HMGA2: variants seen among roughly 807,000 people sequenced by gnomAD.
The protein encoded by HMGA2 is high mobility group AT-hook 2, also known as high mobility group protein HMGI-C.
A neutral mutation model predicts 19.1 loss-of-function variants in HMGA2; 8 were observed. The ratio of observed to expected loss-of-function variants is 0.42; its 90% confidence interval spans 0.25 to 0.76. The LOEUF is 0.76. HMGA2 is among the 30% of genes least tolerant of loss of function. HMGA2 has a pLI of 0.28. For synonymous variants in HMGA2, 60 were observed against 48.8 expected, an observed-to-expected ratio of 1.23 and a Z score of -0.96; for missense variants, 109 against 136.3, an observed-to-expected ratio of 0.80 and a Z score of 1.00.
intron 3 of HMGA2, among the ~76,000 whole-genome samples, chr12:65,940,118 A>C (rs1876042459): frequency 6.6e-6 from 1 of 152,236 alleles, no homozygotes; most frequent in Admixed American, 6.5e-5. Flanking sequence ...AGAGAGAAAA[A>C]AAAACAAAAA....
intron 3 of HMGA2, among the ~76,000 whole-genome samples, chr12:65,944,114 T>C (rs1422816337): frequency 1.3e-5 from 2 of 152,210 alleles, no homozygotes; most frequent in African/African-American, 4.8e-5. Context: ...TTCAGATATA[T>C]CATATTCCTA....
rs1328982065 is a variant in HMGA2 at position 65,964,949 on chromosome 12, C to T, written c.*1657C>T. ...TTCTTTAAGGAGATGGACTAATTGA[C>T]TTGCAAAGACCTACCTCCAGACTTC... is the stretch of plus-strand genomic sequence containing the variant. On this transcript the variant is annotated 3_prime_UTR_variant, in exon 5 of 5. Transcript: ENST00000403681. 13 of 188,062 alleles carry T rather than the reference C, an allele frequency of 6.9e-5. No individual in the cohort carries two copies. The Admixed American group carries it at 7.4e-4, about 11-fold the overall frequency. 11.6% of individuals were successfully genotyped at this position (188,062 alleles called of 1,614,324 possible). A position where few individuals can be genotyped will look rare whatever the true frequency, so the allele number is the denominator to read the frequency against.
chr12:65,848,846 G>C (rs572980829), intron 3 of HMGA2, among the ~76,000 whole-genome samples: 14 of 152,012 alleles, frequency 9.2e-5, no homozygotes, highest in Non-Finnish European at 1.9e-4. Flanking sequence ...CTGGGCGACA[G>C]AGCGAGACTC....
chr12:65,912,849 G>T (rs1250337534), intron 3 of HMGA2, among the ~76,000 whole-genome samples: 1 of 152,198 alleles, frequency 6.6e-6, no homozygotes, highest in African/African-American at 2.4e-5. Context: ...GCCAAATGGG[G>T]CATTTTAGTT....
intron 3 of HMGA2, among the ~76,000 whole-genome samples, chr12:65,845,720 G>T (rs1194214943): frequency 6.6e-6 from 1 of 152,146 alleles, no homozygotes; most frequent in Non-Finnish European, 1.5e-5. Flanking sequence ...GTTTTGATGG[G>T]CTGAATACCT....
chr12:65,931,555 G>T (rs1219360623), intron 3 of HMGA2, among the ~76,000 whole-genome samples: 1 of 96,238 alleles, frequency 1.0e-5, no homozygotes, highest in Non-Finnish European at 2.1e-5. Flanking sequence ...AGATGTTTGT[G>T]TGTGTGTGTG....
chr12:65,902,637 A>G (rs990698178), intron 3 of HMGA2, among the ~76,000 whole-genome samples: 10 of 152,240 alleles, frequency 6.6e-5, no homozygotes, highest in African/African-American at 2.2e-4. Flanking sequence ...ATTTTCTGCA[A>G]TAGATAGCAG....
chr12:65,960,016 A>G (rs1486791910), intron 4 of HMGA2, among the ~76,000 whole-genome samples: 2 of 152,076 alleles, frequency 1.3e-5, no homozygotes, highest in African/African-American at 4.8e-5. Flanking sequence ...CAGCCTCCCA[A>G]GTAGCTGGGA....
intron 2 of HMGA2, among the ~76,000 whole-genome samples, chr12:65,832,564 A>ATGTCT (rs1314144089): frequency 3.3e-5 from 5 of 152,036 alleles, no homozygotes; most frequent in African/African-American, 1.2e-4. Context: ...TCATTCAAAC[A>ATGTCT]TGTCTTGTCT....
chr12:65,920,459 C>T (rs959356233), intron 3 of HMGA2, among the ~76,000 whole-genome samples: 2 of 152,182 alleles, frequency 1.3e-5, no homozygotes, highest in Admixed American at 6.5e-5. Flanking sequence ...TGCAATTCTC[C>T]TATTACCAAC....
intron 3 of HMGA2, among the ~76,000 whole-genome samples, chr12:65,941,246 C>T (rs1876082943): frequency 6.6e-6 from 1 of 152,064 alleles, no homozygotes; most frequent in Non-Finnish European, 1.5e-5. Context: ...GGAATGGAGA[C>T]ATTTTAATTT....
chr12:65,913,268 C>T (rs1037594378), intron 3 of HMGA2, among the ~76,000 whole-genome samples: 3 of 152,100 alleles, frequency 2.0e-5, no homozygotes, highest in Non-Finnish European at 2.9e-5. Flanking sequence ...CTCTGGTCAA[C>T]TCCTTCAGTG....
At chr12:65,894,420 A>C (rs763704692) in intron 3 of HMGA2, among the ~76,000 whole-genome samples, 2 of 152,158 alleles carry the variant, frequency 1.3e-5, no homozygotes, top group Non-Finnish European at 2.9e-5. Context: ...TGTACACTCC[A>C]TTTATAGGGA....
chr12:65,844,935 A>C (rs185818516), intron 3 of HMGA2, among the ~76,000 whole-genome samples: 115 of 152,348 alleles, frequency 7.5e-4, no homozygotes, highest in African/African-American at 2.7e-3. Context: ...CCTGGCCAAG[A>C]CAGTAATCTC....
intron 4 of HMGA2, 124 bp from the exon 5 acceptor site, chr12:65,963,121 T>C (rs1280491709): frequency 1.2e-6 from 1 of 835,652 alleles, no homozygotes; most frequent in African/African-American, 1.7e-5. Context: ...TCGCCAGTCA[T>C]CGTCATCCTC....
chr12:65,897,550 G>A (rs955193031), intron 3 of HMGA2, among the ~76,000 whole-genome samples: 7 of 152,174 alleles, frequency 4.6e-5, no homozygotes, highest in African/African-American at 1.4e-4. Context: ...AGGACAAAAA[G>A]GAGTGGTCAG....
At chr12:65,933,688 A>G (rs1875794737) in intron 3 of HMGA2, among the ~76,000 whole-genome samples, 1 of 152,262 alleles carries the variant, frequency 6.6e-6, no homozygotes, top group Non-Finnish European at 1.5e-5. Context: ...AAGAATAAAT[A>G]TAAAAGATAG....
chr12:65,900,621 CG>C (rs751139462), intron 3 of HMGA2, among the ~76,000 whole-genome samples: 2 of 152,172 alleles, frequency 1.3e-5, no homozygotes, highest in Non-Finnish European at 2.9e-5. Context: ...ATGCATAGAG[CG>C]GGGTATGGAG....
At chr12:65,830,156 T>C (rs1476289108) in intron 2 of HMGA2, among the ~76,000 whole-genome samples, 1 of 152,010 alleles carries the variant, frequency 6.6e-6, no homozygotes, top group Non-Finnish European at 1.5e-5. Flanking sequence ...GTTTTATAAA[T>C]TACGCTTCAT....
Sources: allele counts gnomAD v4.1 joint callset (sites outside exome capture counted in the v4.1 genomes callset), GRCh38; gene constraint gnomAD v4.1.1; transcripts MANE v1.5; gene names NCBI Gene and HGNC (gene_info 2026-07-23, HGNC 2026-07-21).